The following ANKRD50 variants were observed in gnomAD, a reference collection of about 807,000 sequenced individuals.
ANKRD50 encodes ankyrin repeat domain 50.
ANKRD50 carries 40 observed loss-of-function variants against 112.0 expected under a neutral mutation model. The ratio of observed to expected loss-of-function variants is 0.36; its 90% CI spans 0.28 to 0.46. The LOEUF (loss-of-function observed/expected upper bound fraction) is 0.46, where lower values mean the gene tolerates loss of function less well. Ranked by LOEUF, ANKRD50 falls within the 20% of genes least tolerant of loss-of-function variation. The pLI is 1.00. For missense variants in ANKRD50, 1,487 were observed against 1,701.7 expected (o/e 0.87, Z 2.22); for synonymous variants, 613 against 619.1 (o/e 0.99, Z 0.15).
intron 2 of ANKRD50, among the ~76,000 whole-genome samples, chr4:124,692,446 G>A (rs550328443): frequency 2.0e-5 from 3 of 152,262 alleles, no homozygotes; most frequent in Admixed American, 2.0e-4. Flanking sequence ...CATATGTAAT[G>A]TATGTTAATT....
intron 2 of ANKRD50, among the ~76,000 whole-genome samples, chr4:124,704,347 A>G (rs1725458295): frequency 6.6e-6 from 1 of 152,224 alleles, no homozygotes; most frequent in African/African-American, 2.4e-5. Flanking sequence ...TGAGGGTAAG[A>G]AGGAGGCACA....
intron 2 of ANKRD50, among the ~76,000 whole-genome samples, chr4:124,694,220 T>C (rs553630435): frequency 6.6e-6 from 1 of 152,168 alleles, no homozygotes; most frequent in Admixed American, 6.6e-5. Context: ...AAATTGATAA[T>C]TAAAATTAGT....
At chr4:124,697,654 C>T (rs1365608412) in intron 2 of ANKRD50, among the ~76,000 whole-genome samples, 1 of 152,118 alleles carries the variant, frequency 6.6e-6, no homozygotes, top group Non-Finnish European at 1.5e-5. Flanking sequence ...CTTGGATTTC[C>T]CAGCAACCAG....
rs1725592155 is a variant in ANKRD50 at position 124,709,997 on chromosome 4, T to C, written c.512+3A>G. On this transcript the variant is annotated splice_donor_region_variant and intron_variant, in intron 2 of 4. Coordinates refer to ENST00000504087, the MANE Select transcript of ANKRD50 (RefSeq NM_020337.3). Reference sequence around the variant, plus strand: ...CTGAACACCATGACATTTTTATTGTTACCTTTTAAATGCTTCGGCTGGGTT... The same window carrying C: ...CTGAACACCATGACATTTTTATTGTCACCTTTTAAATGCTTCGGCTGGGTT... 6.3e-7 allele frequency: 1 copy of C among 1,596,214 alleles called. No individual in the cohort carries two copies.
intron 2 of ANKRD50, among the ~76,000 whole-genome samples, chr4:124,683,418 C>T (rs1192331823): frequency 6.6e-6 from 1 of 151,882 alleles, no homozygotes; most frequent in Non-Finnish European, 1.5e-5. Flanking sequence ...CCTATCACCT[C>T]AAACATTTAT....
At chr4:124,704,610 T>G (rs1396390493) in intron 2 of ANKRD50, among the ~76,000 whole-genome samples, 1 of 152,188 alleles carries the variant, frequency 6.6e-6, no homozygotes, top group African/African-American at 2.4e-5. Context: ...TTCTTTCAAT[T>G]AGGTTCACAC....
chr4:124,700,564 A>T (rs1725366534), intron 2 of ANKRD50, among the ~76,000 whole-genome samples: 1 of 152,190 alleles, frequency 6.6e-6, no homozygotes, highest in African/African-American at 2.4e-5. Context: ...AATGTAGATG[A>T]CGAATGAAAC....
chr4:124,689,286 T>C (rs559006380), intron 2 of ANKRD50, among the ~76,000 whole-genome samples: 1 of 152,318 alleles, frequency 6.6e-6, no homozygotes, highest in African/African-American at 2.4e-5. Flanking sequence ...ACAGTGCTTA[T>C]TCATTCCAGT....
intron 2 of ANKRD50, among the ~76,000 whole-genome samples, chr4:124,693,299 C>T (rs1165678774): frequency 6.6e-6 from 1 of 152,094 alleles, no homozygotes; most frequent in Non-Finnish European, 1.5e-5. Flanking sequence ...ATTTCACTTT[C>T]CTGAGGGTAT....
At chr4:124,694,950 G>C (rs999422096) in intron 2 of ANKRD50, among the ~76,000 whole-genome samples, 1 of 151,906 alleles carries the variant, frequency 6.6e-6, no homozygotes, top group African/African-American at 2.4e-5. Context: ...TCAATGATCA[G>C]AATATGAATT....
intron 3 of ANKRD50, among the ~76,000 whole-genome samples, chr4:124,673,426 G>A (rs900605662): frequency 5.9e-5 from 9 of 152,120 alleles, no homozygotes; most frequent in African/African-American, 2.2e-4. Context: ...AAGAACTGGA[G>A]CAAGTCAAGA....
chr4:124,698,019 TTGAAGCATTTGC>T (rs1196112955), intron 2 of ANKRD50, among the ~76,000 whole-genome samples: 9 of 152,196 alleles, frequency 5.9e-5, no homozygotes, highest in Non-Finnish European at 1.0e-4. Context: ...ACAGAATTTT[TTGAAGCATTTGC>T]TGTAAAAGGG....
intron 2 of ANKRD50, among the ~76,000 whole-genome samples, chr4:124,685,444 C>A (rs773757558): frequency 3.9e-5 from 6 of 152,184 alleles, no homozygotes. Flanking sequence ...CACAGATTCA[C>A]ATTTTTCTGT....
chr4:124,705,636 G>C (rs1198382710), intron 2 of ANKRD50, among the ~76,000 whole-genome samples: 2 of 152,090 alleles, frequency 1.3e-5, no homozygotes, highest in African/African-American at 4.8e-5. Flanking sequence ...GATTGAAACA[G>C]CTATCTTCTA....
In ANKRD50 at chr4:124,687,430, A is replaced by C. The variant is rs76558377; in HGVS notation, c.513-8525T>G. 5.3e-3 allele frequency among the ~76,000 whole-genome samples: 802 copies of C among 152,310 alleles called. 5 individuals carry two copies. The highest frequency in any genetic ancestry group is 0.018 in the African/African-American group (766 of 41,582). ...TTAAGTGTAAAACATAAAACTATAA[A>C]ACTTTTAGGAGAAAATCTTTGTAAT... On this transcript the variant is annotated intron_variant, in intron 2 of 4. Coordinates refer to ENST00000504087, the MANE Select transcript of ANKRD50 (RefSeq NM_020337.3).
intron 4 of ANKRD50, among the ~76,000 whole-genome samples, chr4:124,668,118 C>A (rs1035112497): frequency 6.6e-6 from 1 of 151,876 alleles, no homozygotes; most frequent in South Asian, 2.1e-4. Flanking sequence ...AAATGAGCTT[C>A]TGAAAAAGTA....
Position 124,712,462 on chromosome 4 carries a change from G to T in ANKRD50, c.-768C>A. On this transcript the variant is annotated 5_prime_UTR_variant, in exon 1 of 5. Transcript: ENST00000504087. ...CCGCCGCCGCCCCCCGGTTACCTCG[G>T]CCCCAGCCGCCGCCGTGGCCGCCGC... 1 of 157,606 alleles carries T rather than the reference G, an allele frequency of 6.3e-6. No individual in the cohort carries two copies. The highest frequency in any genetic ancestry group is 1.4e-5 in the Non-Finnish European group (1 of 72,630). 9.8% of individuals were successfully genotyped at this position (157,606 alleles called of 1,614,324 possible).
In ANKRD50 at chr4:124,669,137, T is replaced by G; in HGVS notation, c.4140A>C (p.Ser1380=). ...QSNQVFLGRV[S]VPRTMQDRGH... ...CTCTATCTTGCATTGTTCGTGGGAC[T>G]GAAACCCTACCAAGAAAAACCTGGT... The change falls in exon 4 of 5, where the codon TCA becomes TCC. Residue 1380 remains serine, a synonymous_variant. Coordinates refer to ENST00000504087, the MANE Select transcript of ANKRD50 (RefSeq NM_020337.3). The G allele has an allele frequency of 6.2e-7, 1 of 1,613,692 alleles. No individual in the cohort carries two copies. Among genetic ancestry groups the G allele is most frequent in the African/African-American group, 1.3e-5 (1 of 74,994 alleles).
Position 124,710,818 on chromosome 4 carries a change from T to A in ANKRD50, c.-307A>T. ...TCCATGGTTATAACTGGAGTTTATG[T>A]GATTGTGGATGTTTCAAGAACAGAG... On this transcript the variant is annotated 5_prime_UTR_variant, in exon 2 of 5. Coordinates refer to ENST00000504087, the MANE Select transcript of ANKRD50 (RefSeq NM_020337.3). The A allele has an allele frequency of 2.3e-6, 1 of 442,458 alleles. No individual in the cohort carries two copies. 27.4% of individuals were successfully genotyped at this position (442,458 alleles called of 1,614,324 possible).
Sources: gnomAD v4.1 joint callset for allele counts (sites outside exome capture counted in the v4.1 genomes callset) on GRCh38, gnomAD v4.1.1 for gene constraint, MANE v1.5 for transcripts, NCBI Gene and HGNC (gene_info 2026-07-23, HGNC 2026-07-21) for gene names.